The following KIRREL3 variants were observed in gnomAD, a reference collection of about 807,000 sequenced individuals.
KIRREL3 encodes the protein kirre like nephrin family adhesion molecule 3.
A neutral mutation model predicts 89.7 loss-of-function variants in KIRREL3; 36 were observed. The ratio of observed to expected loss-of-function variants is 0.40; its 90% CI spans 0.31 to 0.53. The LOEUF is 0.53. Among genes scored for constraint, KIRREL3 ranks in the 20% least tolerant of loss-of-function variants. The pLI, the probability that KIRREL3 is intolerant of heterozygous loss-of-function variation, is 0.49. For missense variants in KIRREL3, 864 were observed against 1,056.6 expected (o/e 0.82, Z 2.53); for synonymous variants, 445 against 441.4 (o/e 1.01, Z -0.10).
intron 1 of KIRREL3, among the ~76,000 whole-genome samples, chr11:126,799,234 CTGTGTGTGGATG>C (rs1301053542): frequency 1.1e-5 from 1 of 91,242 alleles, no homozygotes; most frequent in Non-Finnish European, 2.0e-5. Context: ...ATCTGTGTAT[CTGTGTGTGGATG>C]TGTGTATCTG....
rs1940405442 is a variant in KIRREL3, at chr11:126,564,915, A to C, written c.56-2003T>G. Among the ~76,000 whole-genome samples, 1 of 152,206 alleles carries C rather than the reference A, an allele frequency of 6.6e-6. No homozygotes were observed. Among genetic ancestry groups the C allele is most frequent in the Non-Finnish European group, 1.5e-5 (1 of 68,042 alleles). Reference sequence around the variant, plus strand: ...GTTAACCAGCCCATTGTAATTGCACACGCATTGTTCATCATTAGAATGATA... The same window carrying C: ...GTTAACCAGCCCATTGTAATTGCACCCGCATTGTTCATCATTAGAATGATA... On this transcript the variant is annotated intron_variant, in intron 1 of 16. Transcript: ENST00000525144. This position sits in a 1 kb window ranked among gnomAD's most constrained non-coding sequence, Gnocchi z 7.4.
intron 15 of KIRREL3, among the ~76,000 whole-genome samples, chr11:126,426,120 C>T (rs1954934618): frequency 6.6e-6 from 1 of 152,244 alleles, no homozygotes; most frequent in African/African-American, 2.4e-5. Flanking sequence ...CATTAAGATA[C>T]AGCTCTGCTC....
intron 4 of KIRREL3, among the ~76,000 whole-genome samples, chr11:126,505,854 T>G (rs1957999348): frequency 6.6e-6 from 1 of 152,198 alleles, no homozygotes; most frequent in Admixed American, 6.5e-5. Flanking sequence ...GAATACTCAA[T>G]ATTGTTAAGG....
At chr11:126,774,164 C>G (rs1209373252) in intron 1 of KIRREL3, among the ~76,000 whole-genome samples, 1 of 137,134 alleles carries the variant, frequency 7.3e-6, no homozygotes, top group African/African-American at 2.7e-5. Flanking sequence ...GAGAGTAAAG[C>G]TTTTTTTTTT....
Position 126,703,150 on chromosome 11 carries a change from A to G in KIRREL3, c.56-140238T>C, listed in dbSNP as rs1048879308. Among the ~76,000 whole-genome samples the G allele has an allele frequency of 1.3e-5, 2 of 152,210 alleles. No individual in the cohort carries two copies. The highest frequency in any genetic ancestry group is 2.9e-5 in the Non-Finnish European group (2 of 68,042). On this transcript the variant is annotated intron_variant, in intron 1 of 16. Transcript: ENST00000525144. This position sits in a 1 kb window ranked among gnomAD's most constrained non-coding sequence, Gnocchi z 4.6. ...TGGGCTGGGGCAGGAGACACTGTAAAGAGCCAGTAGGCCTGGATTCCTTCC... is the reference window on the plus strand; with the variant it reads ...TGGGCTGGGGCAGGAGACACTGTAAGGAGCCAGTAGGCCTGGATTCCTTCC...
intron 1 of KIRREL3, chr11:126,936,722 A>G (rs181578922): frequency 2.0e-5 from 3 of 152,346 alleles, no homozygotes; most frequent in East Asian, 3.9e-4. Context: ...CTAGCAATAG[A>G]GTATAGAATT....
intron 1 of KIRREL3, among the ~76,000 whole-genome samples, chr11:126,859,210 A>G (rs554125021): frequency 2.7e-4 from 41 of 152,336 alleles, no homozygotes; most frequent in Non-Finnish European, 4.7e-4. Context: ...AACACAGGCT[A>G]TCTGGGGGTG....
intron 1 of KIRREL3, among the ~76,000 whole-genome samples, chr11:126,809,265 T>C (rs1422687146): frequency 6.6e-6 from 1 of 152,156 alleles, no homozygotes; most frequent in Non-Finnish European, 1.5e-5. Flanking sequence ...GAAGAGAAGA[T>C]GGAATCTCCT....
At chr11:126,882,456 A>G (rs1302074619) in intron 1 of KIRREL3, among the ~76,000 whole-genome samples, 2 of 152,196 alleles carry the variant, frequency 1.3e-5, no homozygotes, top group Middle Eastern at 3.2e-3. Flanking sequence ...TTTTGCTGTT[A>G]CAAAATATAG....
chr11:126,751,622 G>A (rs528750159), intron 1 of KIRREL3, among the ~76,000 whole-genome samples: 25 of 151,902 alleles, frequency 1.6e-4, no homozygotes, highest in Middle Eastern at 3.4e-3. Context: ...AGTAATCATC[G>A]CAATATCTGC....
Position 126,452,701 on chromosome 11 carries a change from C to T in KIRREL3, c.849-3544G>A, listed in dbSNP as rs114716982. On this transcript the variant is annotated intron_variant, in intron 7 of 16. Transcript: ENST00000525144. ...GGCTCCGGGAGCCAAGGTTCCCTGC[C>T]CTCCCTGTCCTCTCCTCTCATGGTG... Among the ~76,000 whole-genome samples, 1,113 of 152,324 alleles carry T rather than the reference C, an allele frequency of 7.3e-3. 18 individuals are homozygous for T. Among genetic ancestry groups the T allele is most frequent in the African/African-American group, 0.025 (1,050 of 41,572 alleles).
chr11:126,911,187 C>T (rs1448718275), intron 1 of KIRREL3, among the ~76,000 whole-genome samples: 1 of 152,150 alleles, frequency 6.6e-6, no homozygotes, highest in Non-Finnish European at 1.5e-5. Flanking sequence ...TATTTCTAGA[C>T]ATGGCCCCTC....
rs1289719206 is a variant in KIRREL3 at position 126,782,985 on chromosome 11, T to C, written c.55+217470A>G. ...GCACAGGATCAGGAAATACACAAGATGAACTGGAGCATCTTGTAGTGCCAG... is the reference window on the plus strand; with the variant it reads ...GCACAGGATCAGGAAATACACAAGACGAACTGGAGCATCTTGTAGTGCCAG... On this transcript the variant is annotated intron_variant, in intron 1 of 16. Transcript: ENST00000525144. This position sits in a 1 kb window ranked among gnomAD's most constrained non-coding sequence, Gnocchi z 4.1. 6.6e-6 allele frequency among the ~76,000 whole-genome samples: 1 copy of C among 152,148 alleles called. No homozygotes were observed. Among genetic ancestry groups the C allele is most frequent in the African/African-American group, 2.4e-5 (1 of 41,420 alleles).
At chr11:126,737,588 C>A (rs898934946) in intron 1 of KIRREL3, among the ~76,000 whole-genome samples, 4 of 152,182 alleles carry the variant, frequency 2.6e-5, no homozygotes, top group Non-Finnish European at 5.9e-5. Context: ...CAGTAATACC[C>A]GTGCTGGATA....
At chr11:126,911,710 A>G (rs3018433) in intron 1 of KIRREL3, among the ~76,000 whole-genome samples, 128,580 of 152,146 alleles carry the variant, frequency 0.85, 54,747 homozygotes, top group Middle Eastern at 0.96. Context: ...GCATCCGGGC[A>G]CGGTGGCTCA....
At chr11:126,473,569 T>A in intron 4 of KIRREL3, 103 bp from the exon 5 acceptor site, 1 of 966,140 alleles carries the variant, frequency 1.0e-6, no homozygotes, top group Non-Finnish European at 1.5e-6. Context: ...ACAATAATTA[T>A]CACACATTAA....
At chr11:126,935,837 T>C (rs1006478058) in intron 1 of KIRREL3, 1 of 152,168 alleles carries the variant, frequency 6.6e-6, no homozygotes, top group Non-Finnish European at 1.5e-5. Flanking sequence ...ACCCATAACA[T>C]GTACTGCACT....
At chr11:126,662,569 A>G (rs1945454670) in intron 1 of KIRREL3, among the ~76,000 whole-genome samples, 1 of 152,220 alleles carries the variant, frequency 6.6e-6, no homozygotes, top group African/African-American at 2.4e-5. Flanking sequence ...CAAGTTAGCC[A>G]AACACTGCAT....
rs1951609056 is a variant in KIRREL3 at position 126,817,390 on chromosome 11, A to C, written c.55+183065T>G. Among the ~76,000 whole-genome samples the C allele has an allele frequency of 6.6e-6, 1 of 152,214 alleles. No individual in the cohort carries two copies. Among genetic ancestry groups the C allele is most frequent in the African/African-American group, 2.4e-5 (1 of 41,462 alleles). ...AGAAGCTGATGGTGACTTAGCTGGC[A>C]TGCTGGCCATGGGATGCGAGTGACT... On this transcript the variant is annotated intron_variant, in intron 1 of 16. Coordinates refer to ENST00000525144, the MANE Select transcript of KIRREL3 (RefSeq NM_032531.4). The surrounding 1 kb of genome is among the most constrained non-coding windows in gnomAD (Gnocchi z 5.7).
Sources: gnomAD v4.1 joint callset for allele counts (sites outside exome capture counted in the v4.1 genomes callset) on GRCh38, gnomAD v4.1.1 for gene constraint, Gnocchi (gnomAD v3.1) non-coding constraint, MANE v1.5 for transcripts, NCBI Gene and HGNC (gene_info 2026-07-23, HGNC 2026-07-21) for gene names.